The following BORCS5 variants were observed in gnomAD, a reference collection of about 807,000 sequenced individuals.
BORCS5 encodes BLOC-1-related complex subunit 5.
BORCS5 carries 17 observed loss-of-function variants against 22.1 expected under a neutral mutation model. The ratio of observed to expected loss-of-function variants is 0.77; its 90% CI spans 0.53 to 1.15. The LOEUF is 1.15. Among genes scored for constraint, BORCS5 ranks in the 50% most tolerant of loss-of-function variants. BORCS5 has a pLI of 0.00. For synonymous variants in BORCS5, 117 were observed against 99.8 expected (o/e 1.17, Z -1.03); for missense variants, 247 against 253.2 (o/e 0.98, Z 0.17).
intron 2 of BORCS5, among the ~76,000 whole-genome samples, chr12:12,393,524 GTTTT>G (rs1054657661): frequency 2.6e-5 from 4 of 151,254 alleles, no homozygotes; most frequent in African/African-American, 9.7e-5. Flanking sequence ...AAGTGTTTTT[GTTTT>G]TTGTTTTTTC....
chr12:12,451,068 G>C (rs1942899143), intron 3 of BORCS5, among the ~76,000 whole-genome samples: 1 of 152,082 alleles, frequency 6.6e-6, no homozygotes, highest in African/African-American at 2.4e-5. Flanking sequence ...TTTTGTTTCT[G>C]TTAGAGTGTG....
At chr12:12,451,929 T>TAAA (rs34066948) in intron 3 of BORCS5, among the ~76,000 whole-genome samples, 262 of 134,048 alleles carry the variant, frequency 2.0e-3, no homozygotes, top group South Asian at 5.4e-3. Flanking sequence ...AAAAAAAAAT[T>TAAA]AAAAAAAAAA....
At chr12:12,409,947 T>C (rs1193865954) in intron 2 of BORCS5, among the ~76,000 whole-genome samples, 3 of 152,224 alleles carry the variant, frequency 2.0e-5, no homozygotes, top group African/African-American at 7.2e-5. Flanking sequence ...TGGTATCTCA[T>C]TGTGGTTTTG....
At chr12:12,416,779 C>G (rs990220582) in intron 2 of BORCS5, among the ~76,000 whole-genome samples, 39 of 112,224 alleles carry the variant, frequency 3.5e-4, no homozygotes, top group African/African-American at 1.2e-3. Flanking sequence ...TTAATGTAAA[C>G]TTTTTTTTTT....
chr12:12,416,699 G>T (rs1015305137), intron 2 of BORCS5, among the ~76,000 whole-genome samples: 6 of 151,516 alleles, frequency 4.0e-5, no homozygotes, highest in African/African-American at 1.5e-4. Flanking sequence ...GGGCTCAAGC[G>T]ATCCTTCCAC....
intron 2 of BORCS5, among the ~76,000 whole-genome samples, chr12:12,404,768 A>C (rs1941556363): frequency 6.6e-6 from 1 of 152,156 alleles, no homozygotes; most frequent in African/African-American, 2.4e-5. Context: ...GCATCATCTC[A>C]GCCCACTGAA....
chr12:12,435,645 A>G lies in BORCS5; in HGVS notation c.220A>G (p.Thr74Ala), dbSNP rs942459114. The G allele has an allele frequency of 1.9e-6, 3 of 1,613,692 alleles. No individual in the cohort carries two copies. The highest frequency in any genetic ancestry group is 1.3e-5 in the African/African-American group (1 of 74,866). ...CTTTGAAGGGCTATTGAGTGGCCAG[A>G]CTTCCCCAACAAATGCCAAATTGGA... ...PLLKGLLSGQ[T>A]SPTNAKLEKL... Residue 74 changes from threonine (T) to alanine (A), a missense_variant, in exon 3 of 4, where the codon ACT becomes GCT. Thr to Ala is a moderately conservative substitution (Grantham distance 58). Transcript: ENST00000314565.
At chr12:12,410,708 G>A (rs1175431832) in intron 2 of BORCS5, among the ~76,000 whole-genome samples, 3 of 152,124 alleles carry the variant, frequency 2.0e-5, no homozygotes, top group Admixed American at 1.3e-4. Flanking sequence ...TTGGCAACAC[G>A]GGCTCTTTTT....
chr12:12,414,086 G>T (rs539775942), intron 2 of BORCS5, among the ~76,000 whole-genome samples: 10 of 83,940 alleles, frequency 1.2e-4, no homozygotes, highest in South Asian at 3.3e-4. Context: ...CCTCCCGGAC[G>T]GGGCGGCTGG....
intron 2 of BORCS5, among the ~76,000 whole-genome samples, chr12:12,429,212 T>A (rs796468394): frequency 1.1e-4 from 16 of 152,326 alleles, no homozygotes; most frequent in African/African-American, 3.1e-4. Context: ...AAATTTACCG[T>A]CTCTAAATTT....
chr12:12,417,015 A>T (rs1478975836), intron 2 of BORCS5, among the ~76,000 whole-genome samples: 3 of 150,860 alleles, frequency 2.0e-5, no homozygotes, highest in Non-Finnish European at 4.4e-5. Flanking sequence ...GGTCTTGAAC[A>T]CTTGACCTCA....
Position 12,468,835 on chromosome 12 carries a change from A to G in BORCS5, c.*3059A>G, listed in dbSNP as rs1006669138. On this transcript the variant is annotated 3_prime_UTR_variant, in exon 4 of 4. Transcript: ENST00000314565. Reference sequence around the variant, plus strand: ...TGGTCAAAGTGGAAGGTTGGTAGAAACTGGCCTTCATGTCTTTGTTTCCCT... The same window carrying G: ...TGGTCAAAGTGGAAGGTTGGTAGAAGCTGGCCTTCATGTCTTTGTTTCCCT... The G allele has an allele frequency of 7.2e-5, 11 of 152,110 alleles. No homozygotes were observed. Among genetic ancestry groups the G allele is most frequent in the African/African-American group, 2.7e-4 (11 of 41,404 alleles). 9.4% of individuals were successfully genotyped at this position (152,110 alleles called of 1,614,324 possible). A position where few individuals can be genotyped will look rare whatever the true frequency, so the allele number is the denominator to read the frequency against.
rs1476145893 is a variant in BORCS5, at chr12:12,470,181, C to CTGTCT, written c.*4406_*4410dup. Among the ~76,000 whole-genome samples, 2 of 152,214 alleles carry CTGTCT rather than the reference C, an allele frequency of 1.3e-5. No homozygotes were observed. The highest frequency in any genetic ancestry group is 2.4e-5 in the African/African-American group (1 of 41,456). ...CGCCTCCCGGGTTCAAGCAGTTATA[C>CTGTCT]TGTCTCAGCCTCCCGAGTAGCTGGG... is the stretch of plus-strand genomic sequence containing the variant. On this transcript the variant is annotated 3_prime_UTR_variant, in exon 4 of 4. Coordinates refer to ENST00000314565, the MANE Select transcript of BORCS5 (RefSeq NM_058169.6).
intron 2 of BORCS5, among the ~76,000 whole-genome samples, chr12:12,389,804 C>T (rs1222815824): frequency 6.6e-6 from 1 of 152,036 alleles, no homozygotes; most frequent in Non-Finnish European, 1.5e-5. Flanking sequence ...CCGCCACACC[C>T]AGCTAATTTT....
chr12:12,454,136 A>G (rs10845547), intron 3 of BORCS5, among the ~76,000 whole-genome samples: 39,692 of 152,198 alleles, frequency 0.26, 7,167 homozygotes, highest in African/African-American at 0.51. Context: ...TAATGCTGCT[A>G]TAAACATTTG....
chr12:12,457,214 C>A (rs561873594), intron 3 of BORCS5, among the ~76,000 whole-genome samples: 1 of 152,314 alleles, frequency 6.6e-6, no homozygotes, highest in South Asian at 2.1e-4. Context: ...TTGTCAATTT[C>A]ACCAATTTTA....
chr12:12,471,231 A>C lies in BORCS5; in HGVS notation c.*5455A>C, dbSNP rs979163660. 1.3e-5 allele frequency among the ~76,000 whole-genome samples: 2 copies of C among 152,258 alleles called. No homozygotes were observed. Among genetic ancestry groups the C allele is most frequent in the Admixed American group, 1.3e-4 (2 of 15,290 alleles). Reference sequence around the variant, plus strand: ...AAGTACAACAATATGACTGACTTGTAAATATCTTCCAGGACAATGCTGTGA... The same window carrying C: ...AAGTACAACAATATGACTGACTTGTCAATATCTTCCAGGACAATGCTGTGA... On this transcript the variant is annotated 3_prime_UTR_variant, in exon 4 of 4. Coordinates refer to ENST00000314565, the MANE Select transcript of BORCS5 (RefSeq NM_058169.6).
chr12:12,417,223 G>C (rs889495351), intron 2 of BORCS5, among the ~76,000 whole-genome samples: 7 of 152,144 alleles, frequency 4.6e-5, no homozygotes, highest in South Asian at 4.1e-4. Flanking sequence ...TCATTGATCT[G>C]TTGGTTGTTT....
In BORCS5 at chr12:12,402,618, G is replaced by A. The variant is rs79625957; in HGVS notation, c.203-33010G>A. 8.4e-3 allele frequency among the ~76,000 whole-genome samples: 1,275 copies of A among 152,278 alleles called. 17 individuals are homozygous for A. Among genetic ancestry groups the A allele is most frequent in the African/African-American group, 0.029 (1,190 of 41,544 alleles). On this transcript the variant is annotated intron_variant, in intron 2 of 3. Coordinates refer to ENST00000314565, the MANE Select transcript of BORCS5 (RefSeq NM_058169.6). ...CTCAACATCTGATCAGAAGCAGCTC[G>A]TTGTCATATAAGGAAATCTGCTCTG...
Sources: gnomAD v4.1 joint callset for allele counts (sites outside exome capture counted in the v4.1 genomes callset) on GRCh38, gnomAD v4.1.1 for gene constraint, MANE v1.5 for transcripts, NCBI Gene and HGNC (gene_info 2026-07-23, HGNC 2026-07-21) for gene names.